Variants in NRXN1 observed in about 807,000 individuals in gnomAD.
The protein encoded by NRXN1 is neurexin-1.
A neutral mutation model predicts 150.9 loss-of-function variants in NRXN1; 39 were observed. The ratio of observed to expected loss-of-function variants is 0.26; its 90% CI spans 0.20 to 0.34. The LOEUF (loss-of-function observed/expected upper bound fraction) is 0.34. Ranked by LOEUF, NRXN1 falls within the 10% of genes least tolerant of loss-of-function variation. The pLI is 1.00. For synonymous variants in NRXN1, 924 were observed against 757.0 expected, an observed-to-expected ratio of 1.22 and a Z score of -3.62; for missense variants, 1,815 against 1,949.9, an observed-to-expected ratio of 0.93 and a Z score of 1.30.
chr2:50,820,753 T>C (rs1395415185), intron 5 of NRXN1, among the ~76,000 whole-genome samples: 2 of 152,108 alleles, frequency 1.3e-5, no homozygotes, highest in African/African-American at 4.8e-5. Context: ...GATTTCAGGT[T>C]CCAGTTTCCA....
At chr2:50,016,454 C>T (rs1464350162) in intron 21 of NRXN1, 1 of 152,052 alleles carries the variant, frequency 6.6e-6, no homozygotes, top group African/African-American at 2.4e-5. Context: ...AGGAACTGTC[C>T]GAGACTGGGC....
chr2:50,351,376 A>G (rs1438817546), intron 17 of NRXN1, among the ~76,000 whole-genome samples: 2 of 152,160 alleles, frequency 1.3e-5, no homozygotes, highest in Non-Finnish European at 2.9e-5. Context: ...GGCTTCTAGA[A>G]GCCTTGTGCT....
At chr2:49,935,477 T>C (rs1670873007) in intron 22 of NRXN1, among the ~76,000 whole-genome samples, 1 of 152,230 alleles carries the variant, frequency 6.6e-6, no homozygotes, top group South Asian at 2.1e-4. Flanking sequence ...TCTTTGCTAT[T>C]ATATTGCCAG....
At chr2:51,017,505 T>G (rs1314796822) in intron 2 of NRXN1, among the ~76,000 whole-genome samples, 1 of 24,224 alleles carries the variant, frequency 4.1e-5, no homozygotes, top group African/African-American at 2.7e-4. Context: ...ACATCTGGCT[T>G]TTTTTTTTTT....
intron 2 of NRXN1, among the ~76,000 whole-genome samples, chr2:50,980,891 T>C (rs1205803842): frequency 1.3e-5 from 2 of 152,222 alleles, no homozygotes; most frequent in East Asian, 3.9e-4. Context: ...ATAATCTTTA[T>C]AATAAATCTC....
chr2:50,406,474 C>T (rs972622068), intron 17 of NRXN1, among the ~76,000 whole-genome samples: 2 of 152,128 alleles, frequency 1.3e-5, no homozygotes, highest in African/African-American at 4.8e-5. Flanking sequence ...ACACTCCACC[C>T]ACCTTTAATG....
chr2:50,666,062 G>A (rs944336171), intron 5 of NRXN1, among the ~76,000 whole-genome samples: 2 of 151,778 alleles, frequency 1.3e-5, no homozygotes, highest in African/African-American at 2.4e-5. Context: ...CCCTTCCACC[G>A]ATTCTCCTGG....
At chr2:50,620,227 T>C in intron 7 of NRXN1, 44 bp from the exon 8 acceptor site, 1 of 1,583,756 alleles carries the variant, frequency 6.3e-7, no homozygotes, top group Non-Finnish European at 8.6e-7. Flanking sequence ...TACTCAGACC[T>C]AGATACTGTA....
chr2:50,849,383 C>T (rs1306665213), intron 5 of NRXN1, among the ~76,000 whole-genome samples: 1 of 152,172 alleles, frequency 6.6e-6, no homozygotes, highest in Non-Finnish European at 1.5e-5. Flanking sequence ...ATGTCTTTCT[C>T]AAGGTCCTGG....
chr2:50,588,513 T>C (rs568119907), intron 8 of NRXN1, among the ~76,000 whole-genome samples: 1 of 152,188 alleles, frequency 6.6e-6, no homozygotes, highest in African/African-American at 2.4e-5. Flanking sequence ...TCCTCCGACT[T>C]CATCCATTAC....
chr2:50,338,613 CA>C (rs1258519458), intron 17 of NRXN1, among the ~76,000 whole-genome samples: 2 of 149,710 alleles, frequency 1.3e-5, no homozygotes. Flanking sequence ...ATTCAATTAA[CA>C]AAGACAGAAT....
chr2:50,839,281 T>G (rs2105921408), intron 5 of NRXN1, among the ~76,000 whole-genome samples: 1 of 152,304 alleles, frequency 6.6e-6, no homozygotes, highest in South Asian at 2.1e-4. Flanking sequence ...CATTTTTATC[T>G]CATGATCCCT....
Position 51,027,555 on chromosome 2 carries a change from T to A in NRXN1, c.719A>T (p.Gln240Leu). 1 of 1,594,262 alleles carries A rather than the reference T, an allele frequency of 6.3e-7. No homozygotes were observed. The highest frequency in any genetic ancestry group is 8.6e-7 in the Non-Finnish European group (1 of 1,166,614). ...GGTTCGCGAGCAGTCGCACACGGCCTGGTCGTCCACCACGGAGCACACACC... is the reference window on the plus strand; with the variant it reads ...GGTTCGCGAGCAGTCGCACACGGCCAGGTCGTCCACCACGGAGCACACACC... ...NGGVCSVVDD[Q>L]AVCDCSRTGF... The change falls in exon 2 of 23, where the codon CAG becomes CTG. Residue 240 changes from glutamine (Q) to leucine (L), a missense_variant. Around this residue, in one of 6 missense-constraint regions of NRXN1, gnomAD observed 554 missense variants for 478.8 expected, o/e 1.16. Transcript: ENST00000401669.
At chr2:50,505,876 A>G (rs745566051) in intron 13 of NRXN1, among the ~76,000 whole-genome samples, 2 of 152,166 alleles carry the variant, frequency 1.3e-5, no homozygotes, top group Non-Finnish European at 2.9e-5. Context: ...AGTTGTTTTC[A>G]AAGTAAATAA....
At chr2:50,908,392 C>T (rs1351396954) in intron 5 of NRXN1, among the ~76,000 whole-genome samples, 3 of 150,790 alleles carry the variant, frequency 2.0e-5, no homozygotes, top group African/African-American at 4.9e-5. Flanking sequence ...CACAACCACA[C>T]CCCTACCTTT....
chr2:50,596,863 CTTTTTT>C (rs3053104), intron 8 of NRXN1, among the ~76,000 whole-genome samples: 238 of 92,186 alleles, frequency 2.6e-3, no homozygotes, highest in African/African-American at 9.6e-3. Flanking sequence ...ATTCCTAGGA[CTTTTTT>C]TTTTTTTTTT....
intron 17 of NRXN1, among the ~76,000 whole-genome samples, chr2:50,285,260 A>T (rs560861882): frequency 6.6e-6 from 1 of 152,192 alleles, no homozygotes; most frequent in Non-Finnish European, 1.5e-5. Context: ...TTTTTATTTT[A>T]CAATAATTTG....
chr2:50,242,072 C>G (rs1214620728), intron 17 of NRXN1, among the ~76,000 whole-genome samples: 2 of 151,758 alleles, frequency 1.3e-5, no homozygotes, highest in Non-Finnish European at 2.9e-5. Flanking sequence ...TTGTAGCCAA[C>G]ACGAAACATT....
chr2:50,897,578 T>TA (rs1164274689), intron 5 of NRXN1, among the ~76,000 whole-genome samples: 1 of 152,186 alleles, frequency 6.6e-6, no homozygotes, highest in East Asian at 1.9e-4. Flanking sequence ...TTCCTATCAA[T>TA]AAAAAGGAAT....
Sources: allele counts gnomAD v4.1 joint callset (sites outside exome capture counted in the v4.1 genomes callset), GRCh38; gene constraint gnomAD v4.1.1; regional missense constraint gnomAD v4.1.1; transcripts MANE v1.5; gene names NCBI Gene and HGNC (gene_info 2026-07-23, HGNC 2026-07-21).